The following SENP5 variants were observed in gnomAD, a reference collection of about 807,000 sequenced individuals.
The protein encoded by SENP5 is SUMO specific peptidase 5.
SENP5 carries 21 observed loss-of-function variants against 74.2 expected under a neutral mutation model. The ratio of observed to expected loss-of-function variants is 0.28; its 90% CI spans 0.20 to 0.41. The LOEUF (loss-of-function observed/expected upper bound fraction) is 0.41. SENP5 is among the 10% of genes least tolerant of loss of function. SENP5 has a pLI of 1.00. For missense variants in SENP5, 717 were observed against 889.1 expected (o/e 0.81, Z 2.46); for synonymous variants, 311 against 312.7 (o/e 0.99, Z 0.06).
rs933974326 is a variant in SENP5, at chr3:196,934,345, A to G, written c.*3422A>G. ...AGTTTACTGCTTCCCTGGGCTAGCC[A>G]TAACGGGGTTCTGGGCAGGTCAGAC... On this transcript the variant is annotated 3_prime_UTR_variant, in exon 10 of 10. Transcript: ENST00000323460. 1.3e-5 allele frequency: 2 copies of G among 152,284 alleles called. No homozygotes were observed. The highest frequency in any genetic ancestry group is 2.9e-5 in the Non-Finnish European group (2 of 68,082). 9.4% of individuals were successfully genotyped at this position (152,284 alleles called of 1,614,324 possible). A position where few individuals can be genotyped will look rare whatever the true frequency, so the allele number is the denominator to read the frequency against.
At chr3:196,903,728 G>A (rs1227360546) in intron 6 of SENP5, 118 bp downstream of exon 6, 5 of 582,388 alleles carry the variant, frequency 8.6e-6, no homozygotes, top group South Asian at 2.5e-5. Context: ...ACTTTTTAAT[G>A]TGACAAGTTT....
At chr3:196,930,107 C>T (rs1246502011) in intron 9 of SENP5, among the ~76,000 whole-genome samples, 1 of 151,708 alleles carries the variant, frequency 6.6e-6, no homozygotes, top group African/African-American at 2.4e-5. Context: ...CCTTAGAGAT[C>T]GAAAAGGGCT....
chr3:196,874,851 C>G (rs944153713), intron 1 of SENP5, among the ~76,000 whole-genome samples: 1 of 152,052 alleles, frequency 6.6e-6, no homozygotes, highest in African/African-American at 2.4e-5. Context: ...TGTACTCCAG[C>G]CTGGGCAACA....
At chr3:196,914,583 AAAAATATAT>A (rs1480903176) in intron 6 of SENP5, 1 of 94,452 alleles carries the variant, frequency 1.1e-5, no homozygotes, top group African/African-American at 4.8e-5. Context: ...AAAAAAAAAA[AAAAATATAT>A]ATATATATAT....
chr3:196,926,842 T>G (rs1473173123), intron 7 of SENP5, among the ~76,000 whole-genome samples: 1 of 152,128 alleles, frequency 6.6e-6, no homozygotes, highest in Non-Finnish European at 1.5e-5. Flanking sequence ...TTTCACCATG[T>G]TGGTCAGGCT....
intron 1 of SENP5, among the ~76,000 whole-genome samples, chr3:196,878,677 C>T (rs376272929): frequency 2.6e-5 from 4 of 152,240 alleles, no homozygotes; most frequent in Middle Eastern, 6.8e-3. Context: ...CTGCAATCTC[C>T]GTCTCTCGGG....
intron 2 of SENP5, among the ~76,000 whole-genome samples, chr3:196,898,050 C>G (rs1403377881): frequency 6.6e-6 from 1 of 150,480 alleles, no homozygotes; most frequent in Non-Finnish European, 1.5e-5. Context: ...TGGTGGCGGG[C>G]GCCTGTAATC....
At chr3:196,920,016 C>T (rs1053674252) in intron 6 of SENP5, among the ~76,000 whole-genome samples, 3 of 152,114 alleles carry the variant, frequency 2.0e-5, no homozygotes, top group African/African-American at 7.2e-5. Context: ...AGTCTGGCAG[C>T]TTTATCCTTT....
intron 6 of SENP5, among the ~76,000 whole-genome samples, chr3:196,917,810 G>A (rs879984493): frequency 2.0e-5 from 3 of 152,156 alleles, no homozygotes; most frequent in Admixed American, 6.6e-5. Flanking sequence ...GATGCTAAGG[G>A]GAGCTCTTTA....
At chr3:196,905,147 G>C (rs960944921) in intron 6 of SENP5, 2 of 152,170 alleles carry the variant, frequency 1.3e-5, no homozygotes, top group Non-Finnish European at 2.9e-5. Flanking sequence ...CAGGTGATCT[G>C]CCCGCCTCAG....
chr3:196,914,586 A>AAAAATATATATATATAT, intron 6 of SENP5: 7 of 33,500 alleles, frequency 2.1e-4, no homozygotes, highest in African/African-American at 7.1e-4. Flanking sequence ...AAAAAAAAAA[A>AAAAATATATATATATAT]ATATATATAT....
At chr3:196,897,855 C>T (rs939606118) in intron 2 of SENP5, among the ~76,000 whole-genome samples, 1 of 152,122 alleles carries the variant, frequency 6.6e-6, no homozygotes, top group African/African-American at 2.4e-5. Flanking sequence ...CTTGCCTCAG[C>T]TTTTTTGTAT....
At chr3:196,930,726 T>C (rs1007036812) in intron 9 of SENP5, 87 bp from the exon 10 acceptor site, 5 of 870,276 alleles carry the variant, frequency 5.7e-6, no homozygotes, top group Non-Finnish European at 9.8e-6. Context: ...CCTTAGACAC[T>C]ATTAGGTCTG....
chr3:196,870,468 A>C (rs984725131), intron 1 of SENP5, among the ~76,000 whole-genome samples: 3 of 152,130 alleles, frequency 2.0e-5, no homozygotes, highest in Admixed American at 6.6e-5. Flanking sequence ...AGATTCTCCA[A>C]ATATACTAAA....
At chr3:196,900,660 A>G (rs534520654) in intron 5 of SENP5, among the ~76,000 whole-genome samples, 33 of 152,052 alleles carry the variant, frequency 2.2e-4, no homozygotes, top group Non-Finnish European at 3.5e-4. Flanking sequence ...ATCTCGGCTC[A>G]TTGCAACCTC....
At chr3:196,896,644 G>C (rs563034604) in intron 2 of SENP5, among the ~76,000 whole-genome samples, 2 of 152,218 alleles carry the variant, frequency 1.3e-5, no homozygotes, top group East Asian at 1.9e-4. Context: ...GCATAGACAG[G>C]GTTTCACCAT....
intron 1 of SENP5, among the ~76,000 whole-genome samples, chr3:196,874,696 A>G (rs1269575757): frequency 2.6e-5 from 4 of 152,154 alleles, no homozygotes; most frequent in African/African-American, 9.7e-5. Flanking sequence ...CCTGACCAAC[A>G]TGGAGAAACC....
At position 196,886,204 on chromosome 3, in the gene SENP5, C is replaced by G; in HGVS notation, c.1023C>G (p.Asp341Glu). ...TCTTGGGCAAGGAGCTTAGTTTAGA[C>G]GAAGCATTCCCTGACCAACAGAATG... The part of the protein sequence containing the change: ...SSFLGKELSL[D>E]EAFPDQQNGS... Residue 341 changes from aspartate to glutamate, a missense_variant, in exon 2 of 10, where the codon GAC becomes GAG. By Grantham distance (45) the Asp-to-Glu change is conservative. This residue lies in a region of SENP5 where 567 missense variants were observed against 577.4 expected (regional missense o/e 0.98). Coordinates refer to ENST00000323460, the MANE Select transcript of SENP5 (RefSeq NM_152699.5). 1 of 1,613,978 alleles carries G rather than the reference C, an allele frequency of 6.2e-7. No individual in the cohort carries two copies. The highest frequency in any genetic ancestry group is 8.5e-7 in the Non-Finnish European group (1 of 1,179,974).
At chr3:196,903,810 A>G (rs1358983667) in intron 6 of SENP5, among the ~76,000 whole-genome samples, 200 bp downstream of exon 6, 1 of 152,246 alleles carries the variant, frequency 6.6e-6, no homozygotes, top group Non-Finnish European at 1.5e-5. Context: ...ATAGTGGTAG[A>G]ACAGTGGGAT....
Sources: gnomAD v4.1 joint callset for allele counts (sites outside exome capture counted in the v4.1 genomes callset) on GRCh38, gnomAD v4.1.1 for gene constraint, gnomAD v4.1.1 regional missense constraint, MANE v1.5 for transcripts, NCBI Gene and HGNC (gene_info 2026-07-23, HGNC 2026-07-21) for gene names.